KCNQ5: variants seen among roughly 807,000 people sequenced by gnomAD.
The protein encoded by KCNQ5 is potassium voltage-gated channel subfamily KQT member 5.
A neutral mutation model predicts 98.2 loss-of-function variants in KCNQ5; 30 were observed. The observed-to-expected ratio is 0.31, with a 90% CI of 0.23 to 0.41. The LOEUF is 0.41. KCNQ5 is among the 10% of genes least tolerant of loss of function. The pLI, the probability that KCNQ5 is intolerant of heterozygous loss-of-function variation, is 1.00. For missense variants in KCNQ5, 835 were observed against 1,182.5 expected, an observed-to-expected ratio of 0.71 and a Z score of 4.31; for synonymous variants, 458 against 449.4, an observed-to-expected ratio of 1.02 and a Z score of -0.24.
intron 1 of KCNQ5, among the ~76,000 whole-genome samples, chr6:72,703,447 TAA>T (rs1768926954): frequency 6.6e-6 from 1 of 152,238 alleles, no homozygotes; most frequent in Non-Finnish European, 1.5e-5. Context: ...GTTTTGTAGT[TAA>T]GTGTCTGTCT....
chr6:72,872,095 A>T (rs1382600637), intron 1 of KCNQ5, among the ~76,000 whole-genome samples: 2 of 152,222 alleles, frequency 1.3e-5, no homozygotes, highest in Non-Finnish European at 2.9e-5. Context: ...GGACAGATGG[A>T]TGAATAGATG....
chr6:73,133,204 G>A (rs1442697186), intron 9 of KCNQ5, among the ~76,000 whole-genome samples: 1 of 152,026 alleles, frequency 6.6e-6, no homozygotes, highest in Non-Finnish European at 1.5e-5. Flanking sequence ...CAAGAAGGAT[G>A]TATGTACCTG....
chr6:72,856,938 G>A (rs768711032), intron 1 of KCNQ5, among the ~76,000 whole-genome samples: 1 of 152,136 alleles, frequency 6.6e-6, no homozygotes, highest in African/African-American at 2.4e-5. Context: ...TATGCCTGAG[G>A]GTTATGGACT....
At chr6:73,112,413 T>G (rs1582380650) in intron 7 of KCNQ5, among the ~76,000 whole-genome samples, 1 of 151,252 alleles carries the variant, frequency 6.6e-6, no homozygotes. Flanking sequence ...TGGTGCGATC[T>G]CGGCTCACTG....
intron 1 of KCNQ5, among the ~76,000 whole-genome samples, chr6:72,948,809 G>A (rs1410582483): frequency 6.6e-6 from 1 of 152,064 alleles, no homozygotes; most frequent in Non-Finnish European, 1.5e-5. Flanking sequence ...TACATATGAT[G>A]ACTTTAATTG....
intron 1 of KCNQ5, among the ~76,000 whole-genome samples, chr6:72,862,241 T>A (rs1437783250): frequency 6.6e-6 from 1 of 152,170 alleles, no homozygotes; most frequent in African/African-American, 2.4e-5. Context: ...CCCATAGAAC[T>A]GCTTCTTGGA....
chr6:73,177,153 G>T (rs1778242962), intron 11 of KCNQ5, among the ~76,000 whole-genome samples: 1 of 152,162 alleles, frequency 6.6e-6, no homozygotes, highest in Non-Finnish European at 1.5e-5. Context: ...AGAGTGAGAA[G>T]GTCCTTTGAA....
chr6:73,166,086 T>A (rs1447117070), intron 10 of KCNQ5, among the ~76,000 whole-genome samples: 3 of 152,124 alleles, frequency 2.0e-5, no homozygotes, highest in African/African-American at 7.2e-5. Flanking sequence ...CTCGGCAAGT[T>A]TCTTAGCCTT....
In KCNQ5 at chr6:72,752,311, T is replaced by C. The variant is rs118026676; in HGVS notation, c.398+129724T>C. Reference sequence around the variant, plus strand: ...AAAGTACAGATGAGTTGATGTTGTATAAGAGGAGGAAGTTAATCTCCAAAG... The same window carrying C: ...AAAGTACAGATGAGTTGATGTTGTACAAGAGGAGGAAGTTAATCTCCAAAG... On this transcript the variant is annotated intron_variant, in intron 1 of 13. Coordinates refer to ENST00000370398, the MANE Select transcript of KCNQ5 (RefSeq NM_019842.4). 7.5e-3 allele frequency among the ~76,000 whole-genome samples: 1,135 copies of C among 152,188 alleles called. 4 individuals are homozygous for C. Among genetic ancestry groups the C allele is most frequent in the Middle Eastern group, 0.017 (5 of 294 alleles).
chr6:72,705,363 T>G (rs962128690), intron 1 of KCNQ5, among the ~76,000 whole-genome samples: 1 of 152,192 alleles, frequency 6.6e-6, no homozygotes, highest in African/African-American at 2.4e-5. Flanking sequence ...ATGTTTGACA[T>G]GTATGAATAA....
chr6:73,130,719 C>T (rs774779467), intron 9 of KCNQ5, among the ~76,000 whole-genome samples: 34 of 152,148 alleles, frequency 2.2e-4, no homozygotes, highest in East Asian at 2.1e-3. Flanking sequence ...CTAATCAAGA[C>T]GCTGTGTTGA....
chr6:72,768,427 A>G (rs1421377508), intron 1 of KCNQ5, among the ~76,000 whole-genome samples: 1 of 152,170 alleles, frequency 6.6e-6, no homozygotes, highest in East Asian at 1.9e-4. Flanking sequence ...CAAACAGAAT[A>G]TGGGATAGGA....
At chr6:72,888,050 C>A (rs1562047691) in intron 1 of KCNQ5, among the ~76,000 whole-genome samples, 1 of 152,006 alleles carries the variant, frequency 6.6e-6, no homozygotes, top group Admixed American at 6.5e-5. Flanking sequence ...CCAAAGGGAG[C>A]TGATATAGCT....
intron 6 of KCNQ5, among the ~76,000 whole-genome samples, chr6:73,107,423 T>TA (rs1460033868): frequency 1.3e-5 from 2 of 152,236 alleles, no homozygotes; most frequent in East Asian, 3.9e-4. Flanking sequence ...AAAGAAATGG[T>TA]AAAAGACTAA....
intron 10 of KCNQ5, among the ~76,000 whole-genome samples, chr6:73,142,131 G>A (rs1463770254): frequency 6.6e-6 from 1 of 152,174 alleles, no homozygotes; most frequent in East Asian, 1.9e-4. Flanking sequence ...AGAGCTGAGA[G>A]AGTACGCAGA....
chr6:73,103,609 A>C (rs1006856892), intron 5 of KCNQ5, among the ~76,000 whole-genome samples: 2 of 152,186 alleles, frequency 1.3e-5, no homozygotes, highest in Non-Finnish European at 2.9e-5. Context: ...CATTGTGCAC[A>C]TGTACCCTAG....
intron 1 of KCNQ5, among the ~76,000 whole-genome samples, chr6:72,749,896 A>G (rs1322954512): frequency 1.3e-5 from 2 of 152,126 alleles, no homozygotes; most frequent in African/African-American, 4.8e-5. Context: ...AGGAAGTACA[A>G]ACCAGTCTTG....
intron 1 of KCNQ5, among the ~76,000 whole-genome samples, chr6:72,645,250 G>T (rs1765534050): frequency 6.6e-6 from 1 of 151,134 alleles, no homozygotes; most frequent in African/African-American, 2.4e-5. Flanking sequence ...GCTGCGTATG[G>T]TGGGTGCATG....
chr6:72,747,846 G>A (rs958263398), intron 1 of KCNQ5, among the ~76,000 whole-genome samples: 3 of 152,222 alleles, frequency 2.0e-5, no homozygotes, highest in South Asian at 2.1e-4. Context: ...TGTTAAATTG[G>A]TAAAGCAAGA....
Sources: gnomAD v4.1 joint callset for allele counts (sites outside exome capture counted in the v4.1 genomes callset) on GRCh38, gnomAD v4.1.1 for gene constraint, MANE v1.5 for transcripts, NCBI Gene and HGNC (gene_info 2026-07-23, HGNC 2026-07-21) for gene names.